ADGRL3: variants seen among roughly 807,000 people sequenced by gnomAD.
The protein encoded by ADGRL3 is calcium-independent alpha-latrotoxin receptor 3.
A neutral mutation model predicts 153.5 loss-of-function variants in ADGRL3; 62 were observed. The ratio of observed to expected loss-of-function variants is 0.40; its 90% CI spans 0.33 to 0.50. The LOEUF is 0.50. Ranked by LOEUF, ADGRL3 falls within the 20% of genes least tolerant of loss-of-function variation. The pLI is 0.47. For missense variants in ADGRL3, 1,641 were observed against 1,859.4 expected, an observed-to-expected ratio of 0.88 and a Z score of 2.16; for synonymous variants, 710 against 672.5, an observed-to-expected ratio of 1.06 and a Z score of -0.86.
chr4:61,987,664 A>C (rs17082515), intron 19 of ADGRL3, among the ~76,000 whole-genome samples: 2,154 of 152,252 alleles, frequency 0.014, 58 homozygotes, highest in African/African-American at 0.049. Flanking sequence ...GAAATCAGAG[A>C]TATATTGTCA....
intron 1 of ADGRL3, among the ~76,000 whole-genome samples, chr4:61,341,972 A>AAGAT (rs779926509): frequency 1.6e-4 from 24 of 152,164 alleles, no homozygotes; most frequent in Non-Finnish European, 2.9e-4. Context: ...TGGTTATTTA[A>AAGAT]AGATAGGAGC....
intron 4 of ADGRL3, among the ~76,000 whole-genome samples, chr4:61,541,230 G>T (rs1198247265): frequency 6.6e-6 from 1 of 152,012 alleles, no homozygotes; most frequent in Non-Finnish European, 1.5e-5. Flanking sequence ...GTCTTTGTTT[G>T]TTCCACCCCT....
In ADGRL3 at chr4:61,419,012, A is replaced by C. The variant is rs973261567; in HGVS notation, c.-174+35823A>C. 9.9e-5 allele frequency among the ~76,000 whole-genome samples: 14 copies of C among 141,218 alleles called. 2 individuals are homozygous for C. Among genetic ancestry groups the C allele is most frequent in the African/African-American group, 3.7e-4 (14 of 37,984 alleles). The allele number at this position is 141,218 out of a possible 152,430, so 92.6% of individuals were successfully genotyped here. ...AAAGCTTTACTATGGTTTCAATGAC[A>C]TTGTAATTCTCAGAATGCATAGCTT... On this transcript the variant is annotated intron_variant, in intron 2 of 26. Transcript: ENST00000683033.
intron 2 of ADGRL3, among the ~76,000 whole-genome samples, chr4:61,464,088 C>T (rs912307959): frequency 5.2e-4 from 79 of 152,098 alleles, no homozygotes; most frequent in African/African-American, 1.9e-3. Flanking sequence ...GGTTGTCTTC[C>T]AATAAAACTT....
At chr4:61,885,968 G>A (rs567982369) in intron 9 of ADGRL3, among the ~76,000 whole-genome samples, 1 of 152,076 alleles carries the variant, frequency 6.6e-6, no homozygotes, top group African/African-American at 2.4e-5. Context: ...TTATATTTTT[G>A]CTTATCTTAT....
At chr4:61,555,217 G>C (rs2098759657) in intron 4 of ADGRL3, among the ~76,000 whole-genome samples, 1 of 152,132 alleles carries the variant, frequency 6.6e-6, no homozygotes, top group Non-Finnish European at 1.5e-5. Flanking sequence ...TAATCCTTAT[G>C]CCAAAGTGGA....
chr4:61,830,811 A>G (rs1027262202), intron 9 of ADGRL3, among the ~76,000 whole-genome samples: 1 of 152,220 alleles, frequency 6.6e-6, no homozygotes, highest in African/African-American at 2.4e-5. Context: ...TAGAGATGCC[A>G]AAAAGGAGAT....
At chr4:61,465,120 C>G (rs2097863772) in intron 2 of ADGRL3, among the ~76,000 whole-genome samples, 1 of 152,144 alleles carries the variant, frequency 6.6e-6, no homozygotes, top group Non-Finnish European at 1.5e-5. Flanking sequence ...TTTCAGAAGA[C>G]CCACATAGTT....
intron 1 of ADGRL3, among the ~76,000 whole-genome samples, chr4:61,377,308 A>G (rs1394835669): frequency 6.6e-6 from 1 of 152,072 alleles, no homozygotes; most frequent in Non-Finnish European, 1.5e-5. Flanking sequence ...AATGTATTTT[A>G]GTATTTATGT....
In ADGRL3 at chr4:61,912,758, G is replaced by A. The variant is rs1429956400; in HGVS notation, c.2112+1G>A. The A allele has an allele frequency of 1.2e-6, 2 of 1,612,834 alleles. No homozygotes were observed. The highest frequency in any genetic ancestry group is 1.7e-6 in the Non-Finnish European group (2 of 1,179,228). ...GCGCTCTTGCAGAGCCTATGTCCAGGTACTTTCTGCGTTTTTATAAATGTG... is the reference window on the plus strand; with the variant it reads ...GCGCTCTTGCAGAGCCTATGTCCAGATACTTTCTGCGTTTTTATAAATGTG... On this transcript the variant is annotated splice_donor_variant, in intron 13 of 26. Coordinates refer to ENST00000683033, the MANE Select transcript of ADGRL3 (RefSeq NM_001387552.1). LOFTEE classifies it high-confidence loss of function.
intron 4 of ADGRL3, among the ~76,000 whole-genome samples, chr4:61,564,442 T>C (rs1037118564): frequency 1.3e-5 from 2 of 152,066 alleles, no homozygotes; most frequent in Non-Finnish European, 2.9e-5. Context: ...GCCTGGCTGA[T>C]TTCTGTATTT....
At chr4:61,207,577 C>T (rs2148794205) in intron 1 of ADGRL3, among the ~76,000 whole-genome samples, 1 of 152,266 alleles carries the variant, frequency 6.6e-6, no homozygotes, top group East Asian at 1.9e-4. Flanking sequence ...AATGAGATTG[C>T]TGGGTCAAAT....
chr4:62,065,525 T>C (rs1162147876), intron 25 of ADGRL3, among the ~76,000 whole-genome samples: 1 of 152,062 alleles, frequency 6.6e-6, no homozygotes, highest in African/African-American at 2.4e-5. Flanking sequence ...TGCTGACATA[T>C]TAGTAAATTT....
intron 18 of ADGRL3, 38 bp from the exon 19 acceptor site, chr4:61,983,344 TG>T (rs1463453134): frequency 6.6e-7 from 1 of 1,523,250 alleles, no homozygotes; most frequent in East Asian, 2.3e-5. Context: ...GTATCCCATG[TG>T]GTAGAGATTT....
intron 5 of ADGRL3, among the ~76,000 whole-genome samples, chr4:61,663,930 T>A (rs1356843081): frequency 6.6e-6 from 1 of 152,298 alleles, no homozygotes; most frequent in Non-Finnish European, 1.5e-5. Flanking sequence ...TATTACAAGA[T>A]GTCATAAGTT....
intron 1 of ADGRL3, among the ~76,000 whole-genome samples, chr4:61,328,486 T>A (rs2095507115): frequency 6.6e-6 from 1 of 152,136 alleles, no homozygotes; most frequent in African/African-American, 2.4e-5. Context: ...CAGCTATGAC[T>A]TAAGGCATTT....
At chr4:61,917,941 C>T (rs1036264610) in intron 13 of ADGRL3, among the ~76,000 whole-genome samples, 4 of 152,114 alleles carry the variant, frequency 2.6e-5, no homozygotes, top group Non-Finnish European at 5.9e-5. Context: ...ATTGTAAGGA[C>T]TTCAGCTTTT....
At chr4:61,482,556 G>T (rs1374961400) in intron 2 of ADGRL3, among the ~76,000 whole-genome samples, 1 of 152,040 alleles carries the variant, frequency 6.6e-6, no homozygotes, top group African/African-American at 2.4e-5. Context: ...AGAAAAGACT[G>T]AACAAAGAAA....
At chr4:61,369,270 A>G (rs1403411966) in intron 1 of ADGRL3, among the ~76,000 whole-genome samples, 9 of 152,150 alleles carry the variant, frequency 5.9e-5, no homozygotes, top group African/African-American at 2.2e-4. Context: ...CACTATGTTG[A>G]ATAGGAGTGG....
Sources: gnomAD v4.1 joint callset for allele counts (sites outside exome capture counted in the v4.1 genomes callset) on GRCh38, gnomAD v4.1.1 for gene constraint, MANE v1.5 for transcripts, NCBI Gene and HGNC (gene_info 2026-07-23, HGNC 2026-07-21) for gene names.